Variants in SRPK2 observed in about 807,000 individuals in gnomAD.
SRPK2 encodes the protein SFRS protein kinase 2.
Under a neutral mutation model 90.8 loss-of-function variants are expected in SRPK2, and 21 were observed. The observed-to-expected ratio is 0.23, with a 90% CI of 0.16 to 0.33. The LOEUF is 0.33. Ranked by LOEUF, SRPK2 falls within the 10% of genes least tolerant of loss-of-function variation. The probability of loss-of-function intolerance (pLI) is 1.00; values close to 1 mark genes in which losing one functional copy is unlikely to be tolerated. For missense variants in SRPK2, 620 were observed against 869.0 expected (o/e 0.71, Z 3.60); for synonymous variants, 288 against 311.1 (o/e 0.93, Z 0.78).
intron 2 of SRPK2, among the ~76,000 whole-genome samples, chr7:105,247,722 A>T (rs994165357): frequency 4.1e-3 from 55 of 13,274 alleles, no homozygotes; most frequent in East Asian, 0.017. Flanking sequence ...ATTTTTTTTA[A>T]AAAAAAGTTT....
chr7:105,268,157 T>C (rs532437953), intron 2 of SRPK2, among the ~76,000 whole-genome samples: 2 of 152,368 alleles, frequency 1.3e-5, no homozygotes, highest in South Asian at 4.1e-4. Flanking sequence ...TATAATCATA[T>C]GATTGACAGA....
At chr7:105,263,844 A>G (rs1804672818) in intron 2 of SRPK2, among the ~76,000 whole-genome samples, 1 of 152,254 alleles carries the variant, frequency 6.6e-6, no homozygotes, top group South Asian at 2.1e-4. Context: ...CGTATCTTCA[A>G]TGAAAATACT....
chr7:105,285,389 A>G (rs1396067361), intron 2 of SRPK2, among the ~76,000 whole-genome samples: 2 of 28,064 alleles, frequency 7.1e-5, no homozygotes, highest in African/African-American at 1.7e-4. Context: ...CGTCTCCAAA[A>G]AAAAAAAAAA....
At chr7:105,289,144 G>A (rs961527620) in intron 2 of SRPK2, among the ~76,000 whole-genome samples, 8 of 149,650 alleles carry the variant, frequency 5.3e-5, no homozygotes, top group Admixed American at 6.7e-5. Context: ...CATGGTGGCA[G>A]GAGACTGTAG....
At chr7:105,125,908 C>A in intron 15 of SRPK2, 1 of 1,131,032 alleles carries the variant, frequency 8.8e-7, no homozygotes, top group South Asian at 1.3e-5. Context: ...AAAACAGAAA[C>A]ACACGACAGT....
chr7:105,231,503 A>G (rs748682365), intron 2 of SRPK2, among the ~76,000 whole-genome samples: 3 of 152,148 alleles, frequency 2.0e-5, no homozygotes, highest in Non-Finnish European at 4.4e-5. Flanking sequence ...TGCTTTCCAC[A>G]GTGGTTGAAC....
chr7:105,234,245 G>T (rs1169985507), intron 2 of SRPK2, among the ~76,000 whole-genome samples: 1 of 151,998 alleles, frequency 6.6e-6, no homozygotes, highest in Non-Finnish European at 1.5e-5. Context: ...TGCGGTTGTG[G>T]GTGTTTTTTG....
intron 2 of SRPK2, among the ~76,000 whole-genome samples, chr7:105,283,161 CAG>C (rs1187642215): frequency 2.0e-5 from 3 of 152,182 alleles, no homozygotes; most frequent in African/African-American, 2.4e-5. Flanking sequence ...GGTGAGGAGA[CAG>C]AGAATTTCGA....
intron 2 of SRPK2, among the ~76,000 whole-genome samples, chr7:105,224,465 C>G (rs1798476174): frequency 6.6e-6 from 1 of 151,922 alleles, no homozygotes; most frequent in South Asian, 2.1e-4. Context: ...CAAAATTATC[C>G]AGGAATGGTG....
chr7:105,148,761 T>C (rs975032904), intron 7 of SRPK2, among the ~76,000 whole-genome samples: 1 of 152,236 alleles, frequency 6.6e-6, no homozygotes, highest in East Asian at 1.9e-4. Context: ...TGTTAATTTG[T>C]AGCTTTGCCC....
chr7:105,170,967 G>GAAAGAGAAAGAAAGAA (rs66735717), intron 3 of SRPK2, among the ~76,000 whole-genome samples: 1 of 74,506 alleles, frequency 1.3e-5, no homozygotes. Flanking sequence ...AAGAAAGAAA[G>GAAAGAGAAAGAAAGAA]AGAAAGAAAG....
chr7:105,142,560 C>T (rs1054320407), intron 10 of SRPK2, 70 bp from the exon 11 acceptor site: 1 of 1,512,574 alleles, frequency 6.6e-7, no homozygotes, highest in East Asian at 2.3e-5. Flanking sequence ...AAGTACTTAT[C>T]TCCATCAATA....
chr7:105,167,606 A>T (rs959252135), intron 5 of SRPK2, 142 bp from the exon 6 acceptor site: 2 of 447,832 alleles, frequency 4.5e-6, no homozygotes, highest in Admixed American at 4.0e-5. Context: ...AACTTTATTT[A>T]TTTATTTATT....
At chr7:105,286,737 A>T (rs1407281400) in intron 2 of SRPK2, among the ~76,000 whole-genome samples, 2 of 152,216 alleles carry the variant, frequency 1.3e-5, no homozygotes. Flanking sequence ...CATTTTACAA[A>T]CAATTAGTCA....
intron 2 of SRPK2, among the ~76,000 whole-genome samples, chr7:105,344,406 C>CTTTTTTTTTTTTTTTTTT (rs1563264048): frequency 7.8e-6 from 1 of 128,612 alleles, no homozygotes. Flanking sequence ...TGCAGCCACA[C>CTTTTTTTTTTTTTTTTTT]CTTTTTTTTT....
intron 2 of SRPK2, among the ~76,000 whole-genome samples, chr7:105,375,863 A>C (rs1351405269): frequency 6.6e-6 from 1 of 151,962 alleles, no homozygotes; most frequent in Non-Finnish European, 1.5e-5. Flanking sequence ...AAAACATGCA[A>C]CTTATAGCTG....
At chr7:105,141,094 T>A (rs1474401490) in intron 11 of SRPK2, among the ~76,000 whole-genome samples, 2 of 151,978 alleles carry the variant, frequency 1.3e-5, no homozygotes, top group Admixed American at 6.6e-5. Context: ...CTTCAAACAC[T>A]CCCTGGAAAG....
At chr7:105,259,789 C>A (rs189321432) in intron 2 of SRPK2, among the ~76,000 whole-genome samples, 9 of 152,204 alleles carry the variant, frequency 5.9e-5, no homozygotes, top group Non-Finnish European at 1.2e-4. Flanking sequence ...ATGGGGAAAG[C>A]ATTCCCTATT....
chr7:105,175,134 C>T (rs1181077842), intron 3 of SRPK2, among the ~76,000 whole-genome samples: 4 of 149,012 alleles, frequency 2.7e-5, no homozygotes, highest in African/African-American at 5.0e-5. Context: ...AGTTAAACTC[C>T]GTTTCAAAAA....
Sources: gnomAD v4.1 joint callset for allele counts (sites outside exome capture counted in the v4.1 genomes callset) on GRCh38, gnomAD v4.1.1 for gene constraint, MANE v1.5 for transcripts, NCBI Gene and HGNC (gene_info 2026-07-23, HGNC 2026-07-21) for gene names.